The following ISLR2 variants were observed in gnomAD, a reference collection of about 807,000 sequenced individuals.
The protein encoded by ISLR2 is immunoglobulin superfamily containing leucine-rich repeat protein 2.
Under a neutral mutation model 25.5 loss-of-function variants are expected in ISLR2, and 16 were observed. The observed-to-expected ratio is 0.63, with a 90% confidence interval of 0.43 to 0.95. ISLR2 has a LOEUF of 0.95. Among genes scored for constraint, ISLR2 ranks in the 40% least tolerant of loss-of-function variants. The pLI is 0.00. For missense variants in ISLR2, 883 were observed against 1,030.7 expected, an observed-to-expected ratio of 0.86 and a Z score of 1.96; for synonymous variants, 508 against 486.6, an observed-to-expected ratio of 1.04 and a Z score of -0.58.
chr15:74,129,673 C>A (rs1012862947), upstream of ISLR2: 2 of 152,692 alleles, frequency 1.3e-5, no homozygotes, highest in African/African-American at 4.8e-5. This position sits in a 1 kb window ranked among gnomAD's most constrained non-coding sequence, Gnocchi z 4.5. Context: ...TTCATCAGAG[C>A]TAGGGAGCGA....
At position 74,135,343 on chromosome 15, in the gene ISLR2, G is replaced by A. The variant is rs2072547031; in HGVS notation, c.*351G>A. On this transcript the variant is annotated 3_prime_UTR_variant, in exon 3 of 3. Transcript: ENST00000453268. ...TCCACCCCGCAGCCCGCCCCACCGTGGGCTCTGGAGCCAGAGGAAACGAGC... is the reference window on the plus strand; with the variant it reads ...TCCACCCCGCAGCCCGCCCCACCGTAGGCTCTGGAGCCAGAGGAAACGAGC... 3.5e-6 allele frequency: 1 copy of A among 283,806 alleles called. No individual in the cohort carries two copies. The highest frequency in any genetic ancestry group is 7.2e-6 in the Non-Finnish European group (1 of 138,884). The allele number at this position is 283,806 out of a possible 1,614,324, so 17.6% of individuals were successfully genotyped here.
chr15:74,114,520 G>T (rs917157383), intron 2 of ISLR2, among the ~76,000 whole-genome samples: 1 of 152,116 alleles, frequency 6.6e-6, no homozygotes, highest in African/African-American at 2.4e-5. Flanking sequence ...CACTTTGGGA[G>T]GCTGAGGTGG....
rs566755274 is a variant in ISLR2 at position 74,118,743 on chromosome 15, C to T, written n.229-12464C>T. On this transcript the variant is annotated intron_variant and non_coding_transcript_variant, in intron 2 of 3. Coordinates refer to the ISLR2 transcript ENST00000561975. The stretch of plus-strand genomic sequence containing the variant: ...TGCAATCTTGGCTCACTGCAAGCTC[C>T]GCTTCCCAGGTTCATGCCATTCTCC... 2.6e-5 allele frequency among the ~76,000 whole-genome samples: 4 copies of T among 151,904 alleles called. No homozygotes were observed. In the South Asian group the frequency reaches 8.4e-4, roughly 32 times the overall value.
downstream of ISLR2, chr15:74,136,939 T>G (rs2072576188): frequency 6.4e-6 from 1 of 155,568 alleles, no homozygotes; most frequent in Admixed American, 6.5e-5. Flanking sequence ...GTGACCATCC[T>G]GTGATTTTTT....
chr15:74,113,500 C>T (rs1471798018), intron 2 of ISLR2, among the ~76,000 whole-genome samples: 2 of 152,142 alleles, frequency 1.3e-5, no homozygotes, highest in African/African-American at 2.4e-5. Flanking sequence ...TATATTTTCT[C>T]GCTTTTTCAC....
chr15:74,114,465 A>T (rs2072195057), intron 2 of ISLR2, among the ~76,000 whole-genome samples: 3 of 152,174 alleles, frequency 2.0e-5, no homozygotes, highest in Non-Finnish European at 4.4e-5. Context: ...AATAAGAAAG[A>T]TACAATTTTA....
intron 1 of ISLR2, among the ~76,000 whole-genome samples, chr15:74,103,375 G>T (rs1390074236): frequency 2.0e-5 from 3 of 150,560 alleles, no homozygotes; most frequent in Non-Finnish European, 4.4e-5. Flanking sequence ...GGCTGAAGTG[G>T]CTGGATCACT....
At chr15:74,131,417 G>GGAACCGGGAAGGGAGGGAAGGGAC (rs377614062) in intron 2 of ISLR2, 101 bp downstream of exon 2, 19 of 152,828 alleles carry the variant, frequency 1.2e-4, no homozygotes, top group African/African-American at 4.1e-4. Context: ...CTGTCTGGCA[G>GGAACCGGGAAGGGAGGGAAGGGAC]GAACCGGGAA....
chr15:74,113,776 C>T (rs2072189403), intron 2 of ISLR2, among the ~76,000 whole-genome samples: 3 of 152,184 alleles, frequency 2.0e-5, no homozygotes, highest in Admixed American at 2.0e-4. Context: ...TTCATCAAGA[C>T]CTGAGATTCC....
intron 2 of ISLR2, among the ~76,000 whole-genome samples, chr15:74,108,390 C>T (rs2072138874): frequency 6.6e-6 from 1 of 152,268 alleles, no homozygotes; most frequent in East Asian, 1.9e-4. Context: ...ATTCTCACGC[C>T]GCACAGCAGC....
chr15:74,123,371 G>C (rs983369220), upstream of ISLR2, among the ~76,000 whole-genome samples: 1 of 152,138 alleles, frequency 6.6e-6, no homozygotes, highest in Non-Finnish European at 1.5e-5. Flanking sequence ...GGCAGCCTGC[G>C]GCCCAAAAGC....
At position 74,134,293 on chromosome 15, in the gene ISLR2, C is replaced by CGGCGGGGCT. The variant is rs1255060639; in HGVS notation, c.1545_1553dup (p.Gly517_Ala519dup). The CGGCGGGGCT allele has an allele frequency of 6.5e-7, 1 of 1,540,040 alleles. No homozygotes were observed. The highest frequency in any genetic ancestry group is 8.7e-7 in the Non-Finnish European group (1 of 1,143,588). ...TGGCTGCGCGCTGGGGCCCTGGGCC[C>CGGCGGGGCT]GGCGGGGCTGGCGGAGCCCCGCGAC... On this transcript the variant is annotated inframe_insertion, in exon 3 of 3. Coordinates refer to ENST00000453268, the MANE Select transcript of ISLR2 (RefSeq NM_020851.3).
chr15:74,106,920 G>A (rs1355443857), intron 2 of ISLR2, among the ~76,000 whole-genome samples: 3 of 152,088 alleles, frequency 2.0e-5, no homozygotes, highest in Admixed American at 6.5e-5. Flanking sequence ...TTCTCTCTCC[G>A]CCCCCTTCAG....
At chr15:74,114,399 G>A (rs1208759147) in intron 2 of ISLR2, among the ~76,000 whole-genome samples, 1 of 152,138 alleles carries the variant, frequency 6.6e-6, no homozygotes, top group African/African-American at 2.4e-5. Flanking sequence ...AAAGTTCAAA[G>A]AAAAAGAAGC....
chr15:74,122,971 C>G (rs552965920), intron 2 of ISLR2, among the ~76,000 whole-genome samples: 113 of 152,188 alleles, frequency 7.4e-4, no homozygotes, highest in African/African-American at 2.7e-3. Flanking sequence ...TGTGATGGCC[C>G]CACGGAATGG....
At chr15:74,108,254 C>G (rs1473792853) in intron 2 of ISLR2, among the ~76,000 whole-genome samples, 2 of 152,220 alleles carry the variant, frequency 1.3e-5, no homozygotes, top group Non-Finnish European at 2.9e-5. Flanking sequence ...CCTCTCCCTC[C>G]CCTTGCCTGC....
Position 74,133,315 on chromosome 15 carries a change from C to A in ISLR2, c.561C>A (p.Cys187Ter). The A allele has an allele frequency of 1.2e-6, 2 of 1,610,030 alleles. No individual in the cohort carries two copies. Among genetic ancestry groups the A allele is most frequent in the Non-Finnish European group, 1.7e-6 (2 of 1,179,878 alleles). Residue 187 changes from cysteine (C) to a stop codon, truncating the protein, a stop_gained, in exon 3 of 3, where the codon TGC becomes TGA. Coordinates refer to ENST00000453268, the MANE Select transcript of ISLR2 (RefSeq NM_020851.3). LOFTEE classifies it low-confidence loss of function (END_TRUNC). ...ATCACAATCCCTTCCACTGCGGCTG[C>A]GGCCTTGTGTGGCTGCAGGCCTGGG... is the stretch of plus-strand genomic sequence containing the variant. Reference protein sequence around the residue: ...QLYHNPFHCGCGLVWLQAWAA... With the variant: ...QLYHNPFHCG
chr15:74,128,543 A>G (rs1017002476), upstream of ISLR2: 3 of 456,528 alleles, frequency 6.6e-6, no homozygotes, highest in Non-Finnish European at 1.3e-5. Context: ...GGGGTTGCTT[A>G]TAGGACGGGT....
chr15:74,135,396 C>A lies in ISLR2; in HGVS notation c.*404C>A, dbSNP rs572944522. Reference sequence around the variant, plus strand: ...AGACTTTGGAAACCTCGCGGTAACGCGGTGGTTTCGGGGGCCAGCCAAGGC... The same window carrying A: ...AGACTTTGGAAACCTCGCGGTAACGAGGTGGTTTCGGGGGCCAGCCAAGGC... On this transcript the variant is annotated 3_prime_UTR_variant, in exon 3 of 3. Coordinates refer to ENST00000453268, the MANE Select transcript of ISLR2 (RefSeq NM_020851.3). 6.3e-5 allele frequency: 14 copies of A among 221,230 alleles called. 1 individual carries two copies. The South Asian group carries it at 1.4e-3, about 22-fold the overall frequency. 13.7% of individuals were successfully genotyped at this position (221,230 alleles called of 1,614,324 possible). A position where few individuals can be genotyped will look rare whatever the true frequency, so the allele number is the denominator to read the frequency against.
Sources: allele counts gnomAD v4.1 joint callset (sites outside exome capture counted in the v4.1 genomes callset), GRCh38; gene constraint gnomAD v4.1.1; non-coding constraint Gnocchi (gnomAD v3.1); transcripts MANE v1.5; gene names NCBI Gene and HGNC (gene_info 2026-07-23, HGNC 2026-07-21).